The following COBLL1 variants were observed in gnomAD, a reference collection of about 807,000 sequenced individuals.
COBLL1 encodes the protein cordon-bleu protein-like 1.
In COBLL1, 50 loss-of-function variants were observed where a neutral mutation model predicts 94.8. The observed-to-expected ratio is 0.53, with a 90% CI of 0.42 to 0.67. COBLL1 has a LOEUF of 0.67. COBLL1 is among the 30% of genes least tolerant of loss of function. The pLI, the probability that COBLL1 is intolerant of heterozygous loss-of-function variation, is 0.00. For synonymous variants in COBLL1, 448 were observed against 473.8 expected (o/e 0.95, Z 0.71); for missense variants, 1,362 against 1,348.7 (o/e 1.01, Z -0.15).
At chr2:164,835,083 GAACA>G (rs1219332458) in intron 2 of COBLL1, among the ~76,000 whole-genome samples, 3 of 151,398 alleles carry the variant, frequency 2.0e-5, no homozygotes, top group Admixed American at 1.3e-4. Context: ...AACAAAAAAA[GAACA>G]AACAAAAAAC....
Position 164,695,203 on chromosome 2 carries a change from C to A in COBLL1, c.2189G>T (p.Gly730Val). Residue 730 changes from glycine (G) to valine (V), a missense_variant, in exon 12 of 14, where the codon GGC becomes GTC. By Grantham distance (109) the Gly-to-Val change is moderately radical. Transcript: ENST00000652658. The part of the protein sequence containing the change: ...EITREYIPKI[G>V]MTTYKIVPPK... ...AGGCACTATTTTATAAGTAGTCATG[C>A]CAATTTTGGGTATATACTCTCGTGT... 1 of 1,613,796 alleles carries A rather than the reference C, an allele frequency of 6.2e-7. No individual in the cohort carries two copies. Among genetic ancestry groups the A allele is most frequent in the Middle Eastern group, 1.6e-4 (1 of 6,062 alleles).
At position 164,790,104 on chromosome 2, in the gene COBLL1, A is replaced by G. The variant is rs541367262; in HGVS notation, c.42-46229T>C. The stretch of plus-strand genomic sequence containing the variant: ...TATTAATGAGAATAGAAATCAATTC[A>G]CACTGGGTGGGGCCACCATCTGTGT... On this transcript the variant is annotated intron_variant, in intron 2 of 13. Transcript: ENST00000652658. 1.6e-4 allele frequency among the ~76,000 whole-genome samples: 25 copies of G among 152,360 alleles called. 2 individuals are homozygous for G. The East Asian group carries it at 3.3e-3, about 20-fold the overall frequency.
chr2:164,740,897 A>T (rs551606389), intron 3 of COBLL1, among the ~76,000 whole-genome samples: 1 of 152,110 alleles, frequency 6.6e-6, no homozygotes, highest in Non-Finnish European at 1.5e-5. Flanking sequence ...GGGGGGGAAA[A>T]GTTCATAAAC....
intron 2 of COBLL1, among the ~76,000 whole-genome samples, chr2:164,814,109 A>G (rs936718923): frequency 9.9e-5 from 15 of 152,166 alleles, no homozygotes; most frequent in African/African-American, 3.6e-4. Context: ...CTAAAATAAT[A>G]TATAATTTAA....
intron 4 of COBLL1, 61 bp downstream of exon 4, chr2:164,729,853 C>T: frequency 7.1e-7 from 1 of 1,416,578 alleles, no homozygotes; most frequent in East Asian, 2.3e-5. Flanking sequence ...TTTTATTTCA[C>T]TTACAATGAG....
chr2:164,840,945 G>A (rs1464641910), intron 2 of COBLL1: 2 of 428,836 alleles, frequency 4.7e-6, no homozygotes, highest in East Asian at 3.6e-5. Flanking sequence ...AGCCCCGGTA[G>A]GAAGGCAACC....
chr2:164,810,490 G>A (rs1159534060), intron 2 of COBLL1, among the ~76,000 whole-genome samples: 1 of 151,400 alleles, frequency 6.6e-6, no homozygotes, highest in Non-Finnish European at 1.5e-5. Context: ...CAATATAGAA[G>A]TATTCATAAT....
chr2:164,815,194 G>GT (rs1430049807), intron 2 of COBLL1, among the ~76,000 whole-genome samples: 1 of 152,070 alleles, frequency 6.6e-6, no homozygotes, highest in African/African-American at 2.4e-5. Flanking sequence ...GAGGTCAGGA[G>GT]TTTGAGACCA....
Position 164,777,321 on chromosome 2 carries a change from A to C in COBLL1, c.42-33446T>G, listed in dbSNP as rs529720821. ...TGCCAGGAAGAACAAAAATTCACTA[A>C]ATCATGAGTTACACACACACACACA... On this transcript the variant is annotated intron_variant, in intron 2 of 13. Transcript: ENST00000652658. Among the ~76,000 whole-genome samples the C allele has an allele frequency of 1.7e-4, 24 of 141,878 alleles. No homozygotes were observed. In the South Asian group the frequency reaches 5.2e-3, roughly 31 times the overall value. The allele number at this position is 141,878 out of a possible 152,430, so 93.1% of individuals were successfully genotyped here.
At position 164,805,337 on chromosome 2, in the gene COBLL1, C is replaced by CTCTCTCTATA. The variant is rs758137553; in HGVS notation, c.41+35818_41+35819insTATAGAGAGA. Among the ~76,000 whole-genome samples, 18 of 17,046 alleles carry CTCTCTCTATA rather than the reference C, an allele frequency of 1.1e-3. 1 individual carries two copies. Among genetic ancestry groups the CTCTCTCTATA allele is most frequent in the Admixed American group, 1.3e-3 (1 of 776 alleles). The allele number at this position is 17,046 out of a possible 152,430, so 11.2% of individuals were successfully genotyped here. A position where few individuals can be genotyped will look rare whatever the true frequency, so the allele number is the denominator to read the frequency against. ...TCTCTCTCTCTCTCTCTCTCTCTCTCTATATATATATATATATATATATAT... is the reference window on the plus strand; with the variant it reads ...TCTCTCTCTCTCTCTCTCTCTCTCTCTCTCTCTATATATATATATATATATATATATATAT... On this transcript the variant is annotated intron_variant, in intron 2 of 13. Coordinates refer to ENST00000652658, the MANE Select transcript of COBLL1 (RefSeq NM_001365672.2).
intron 2 of COBLL1, among the ~76,000 whole-genome samples, chr2:164,770,970 AT>A (rs1688174106): frequency 6.6e-6 from 1 of 152,014 alleles, no homozygotes; most frequent in Non-Finnish European, 1.5e-5. Context: ...TAAAAATAAG[AT>A]ATTTTTATTG....
rs985970516 is a variant in COBLL1 at position 164,680,960 on chromosome 2, C to G, written c.*4986G>C. The G allele has an allele frequency of 2.6e-5, 4 of 151,880 alleles. No individual in the cohort carries two copies. The highest frequency in any genetic ancestry group is 5.9e-5 in the Non-Finnish European group (4 of 67,972). The allele number at this position is 151,880 out of a possible 1,614,324, so 9.4% of individuals were successfully genotyped here. A position where few individuals can be genotyped will look rare whatever the true frequency, so the allele number is the denominator to read the frequency against. On this transcript the variant is annotated 3_prime_UTR_variant, in exon 14 of 14. Coordinates refer to ENST00000652658, the MANE Select transcript of COBLL1 (RefSeq NM_001365672.2). ...GAGAGAATATACTTTTGCACTACGA[C>G]TAAGAAAAAAAATATTTAGAATTGC... is the stretch of plus-strand genomic sequence containing the variant.
At chr2:164,776,770 T>A (rs1320071950) in intron 2 of COBLL1, among the ~76,000 whole-genome samples, 6 of 152,108 alleles carry the variant, frequency 3.9e-5, no homozygotes, top group Non-Finnish European at 8.8e-5. Flanking sequence ...TCTTTTTAAT[T>A]TGATCACTTA....
rs1683224598 is a variant in COBLL1, at chr2:164,685,305, A to G, written c.*641T>C. On this transcript the variant is annotated 3_prime_UTR_variant, in exon 14 of 14. Transcript: ENST00000652658. The stretch of plus-strand genomic sequence containing the variant: ...AATTTAAGTTCTAAAGATTAAAAAA[A>G]CAAGAGTTCCATGTTAATAAAATAT... The G allele has an allele frequency of 6.6e-6, 1 of 152,186 alleles. No homozygotes were observed. Among genetic ancestry groups the G allele is most frequent in the South Asian group, 2.1e-4 (1 of 4,834 alleles). The allele number at this position is 152,186 out of a possible 1,614,324, so 9.4% of individuals were successfully genotyped here.
At chr2:164,662,005 C>G (rs1050941323) in intron 2 of COBLL1, among the ~76,000 whole-genome samples, 7 of 152,012 alleles carry the variant, frequency 4.6e-5, no homozygotes, top group Admixed American at 1.3e-4. Context: ...AAATTCATAT[C>G]CAGATATGCA....
rs1247538908 is a variant in COBLL1 at position 164,684,381 on chromosome 2, C to T, written c.*1565G>A. Reference sequence around the variant, plus strand: ...TATATGAAGGTTTAAATTAGGGATCCAAATTTATATTTTTATAAGTAGATA... The same window carrying T: ...TATATGAAGGTTTAAATTAGGGATCTAAATTTATATTTTTATAAGTAGATA... On this transcript the variant is annotated 3_prime_UTR_variant, in exon 14 of 14. Transcript: ENST00000652658. 2 of 151,922 alleles carry T rather than the reference C, an allele frequency of 1.3e-5. No individual in the cohort carries two copies. Among genetic ancestry groups the T allele is most frequent in the African/African-American group, 2.4e-5 (1 of 41,350 alleles). 9.4% of individuals were successfully genotyped at this position (151,922 alleles called of 1,614,324 possible).
At chr2:164,838,012 GC>G (rs1454900369) in intron 2 of COBLL1, among the ~76,000 whole-genome samples, 2 of 152,072 alleles carry the variant, frequency 1.3e-5, no homozygotes, top group East Asian at 1.9e-4. Flanking sequence ...CAAGACTCCA[GC>G]CTGTCTCAAA....
At chr2:164,793,491 C>A (rs1033633264) in intron 2 of COBLL1, among the ~76,000 whole-genome samples, 2 of 152,096 alleles carry the variant, frequency 1.3e-5, no homozygotes, top group Non-Finnish European at 2.9e-5. Flanking sequence ...CTGAAAAATA[C>A]TAAAGGAAAA....
At chr2:164,809,248 G>T (rs1684342000) in intron 2 of COBLL1, among the ~76,000 whole-genome samples, 1 of 151,968 alleles carries the variant, frequency 6.6e-6, no homozygotes, top group Non-Finnish European at 1.5e-5. Context: ...TAATATTCTG[G>T]TAGGTATGCT....
Sources: allele counts gnomAD v4.1 joint callset (sites outside exome capture counted in the v4.1 genomes callset), GRCh38; gene constraint gnomAD v4.1.1; transcripts MANE v1.5; gene names NCBI Gene and HGNC (gene_info 2026-07-23, HGNC 2026-07-21).